INO80: variants seen among roughly 807,000 people sequenced by gnomAD.
INO80 encodes the protein INO80 complex ATPase subunit.
INO80 carries 20 observed loss-of-function variants against 203.4 expected under a neutral mutation model. The observed-to-expected ratio is 0.10, with a 90% CI of 0.07 to 0.14. INO80 has a LOEUF of 0.14. Ranked by LOEUF, INO80 falls within the 10% of genes least tolerant of loss-of-function variation. The pLI, the probability that INO80 is intolerant of heterozygous loss-of-function variation, is 1.00. For missense variants in INO80, 1,419 were observed against 1,914.4 expected (o/e 0.74, Z 4.83); for synonymous variants, 726 against 685.2 (o/e 1.06, Z -0.93).
intron 29 of INO80, among the ~76,000 whole-genome samples, chr15:40,997,321 A>T (rs567259547): frequency 6.6e-6 from 1 of 152,192 alleles, no homozygotes; most frequent in South Asian, 2.1e-4. Flanking sequence ...AATGAATAGT[A>T]AAGTCCATAA....
chr15:41,080,996 G>C, intron 8 of INO80, 24 bp downstream of exon 8: 1 of 1,518,624 alleles, frequency 6.6e-7, no homozygotes. Flanking sequence ...ACATGAAATG[G>C]AAAATACAAA....
intron 5 of INO80, among the ~76,000 whole-genome samples, chr15:41,090,306 T>C (rs571309126): frequency 6.6e-6 from 1 of 152,326 alleles, no homozygotes; most frequent in East Asian, 1.9e-4. Context: ...CTGGGGATGG[T>C]GGCTCACGCC....
intron 27 of INO80, among the ~76,000 whole-genome samples, chr15:41,007,101 G>A (rs899823832): frequency 6.7e-6 from 1 of 149,176 alleles, no homozygotes. Flanking sequence ...TACCAAGACA[G>A]TTTACAGAGA....
intron 1 of INO80, among the ~76,000 whole-genome samples, chr15:41,112,823 T>C (rs1183506137): frequency 6.8e-6 from 1 of 147,290 alleles, no homozygotes; most frequent in Non-Finnish European, 1.5e-5. Flanking sequence ...ACTTTTCAAC[T>C]GTTTTCCTAC....
At chr15:41,049,598 AT>A (rs1302543888) in intron 20 of INO80, among the ~76,000 whole-genome samples, 178 bp from the exon 21 acceptor site, 1 of 152,198 alleles carries the variant, frequency 6.6e-6, no homozygotes, top group Non-Finnish European at 1.5e-5. Flanking sequence ...AAAAAGGTTA[AT>A]AAAGACAACT....
chr15:41,016,296 C>T, intron 26 of INO80, 81 bp from the exon 27 acceptor site: 1 of 1,349,484 alleles, frequency 7.4e-7, no homozygotes, highest in East Asian at 2.4e-5. Flanking sequence ...TGTATGCAAC[C>T]ACAATCACTA....
rs2140526795 is a variant in INO80 at position 41,048,251 on chromosome 15, C to G, written c.2602G>C (p.Ala868Pro). ...DRWLRVLSPFAPDYIQRSLFH... is the reference protein window; with the variant it reads ...DRWLRVLSPFPPDYIQRSLFH... Reference sequence around the variant, plus strand: ...AGAGACCGTTGGATATAGTCTGGTGCAAATGGAGAAAGAACCCTTAACCAC... The same window carrying G: ...AGAGACCGTTGGATATAGTCTGGTGGAAATGGAGAAAGAACCCTTAACCAC... Residue 868 changes from alanine to proline, a missense_variant, in exon 22 of 36, where the codon GCA becomes CCA. Ala to Pro is a conservative substitution (Grantham distance 27, BLOSUM62 -1). Around this residue, in one of 9 missense-constraint regions of INO80, gnomAD observed 302 missense variants for 345.4 expected, o/e 0.87. Transcript: ENST00000648947. 1 of 1,613,192 alleles carries G rather than the reference C, an allele frequency of 6.2e-7. No homozygotes were observed. The highest frequency in any genetic ancestry group is 8.5e-7 in the Non-Finnish European group (1 of 1,179,394).
intron 1 of INO80, among the ~76,000 whole-genome samples, chr15:41,108,355 C>T (rs751407881): frequency 1.3e-5 from 2 of 150,982 alleles, no homozygotes; most frequent in South Asian, 4.2e-4. Context: ...TTTGGGAGGC[C>T]GAGGCAGGCG....
chr15:41,098,048 C>A (rs908973241), intron 1 of INO80, among the ~76,000 whole-genome samples: 1 of 152,080 alleles, frequency 6.6e-6, no homozygotes, highest in African/African-American at 2.4e-5. Flanking sequence ...GACAGGGTTT[C>A]ACCGTGTTGG....
chr15:41,086,409 G>C (rs139155436), intron 6 of INO80, among the ~76,000 whole-genome samples: 2 of 152,114 alleles, frequency 1.3e-5, no homozygotes, highest in African/African-American at 2.4e-5. Flanking sequence ...CCAGCACTTT[G>C]AGAGGCCAAG....
At chr15:41,095,137 G>A (rs143733752) in intron 4 of INO80, among the ~76,000 whole-genome samples, 4 of 152,050 alleles carry the variant, frequency 2.6e-5, no homozygotes, top group African/African-American at 4.8e-5. Context: ...TCAGGAGTTC[G>A]AGACCAACCT....
chr15:41,099,503 C>T (rs967250807), intron 1 of INO80, among the ~76,000 whole-genome samples: 1 of 151,736 alleles, frequency 6.6e-6, no homozygotes, highest in Non-Finnish European at 1.5e-5. Flanking sequence ...TACTTTTGGC[C>T]AGGAGCAGTG....
At chr15:41,046,148 GGTGT>G (rs1191808294) in intron 23 of INO80, among the ~76,000 whole-genome samples, 4 of 121,414 alleles carry the variant, frequency 3.3e-5, no homozygotes, top group African/African-American at 8.7e-5. Context: ...ATATTTAAGG[GGTGT>G]GTGTGTGTCT....
chr15:41,065,849 A>G (rs2045201057), intron 14 of INO80, among the ~76,000 whole-genome samples: 1 of 152,182 alleles, frequency 6.6e-6, no homozygotes, highest in African/African-American at 2.4e-5. Flanking sequence ...TGGTTGCCAG[A>G]GGCTACAGCA....
At chr15:41,026,257 GA>G (rs201407847) in intron 25 of INO80, among the ~76,000 whole-genome samples, 1,750 of 152,172 alleles carry the variant, frequency 0.012, 21 homozygotes, top group Non-Finnish European at 0.018. Flanking sequence ...TCTTTTAATA[GA>G]ACTGTGAAAA....
At chr15:41,115,439 G>C (rs915242025) in intron 1 of INO80, among the ~76,000 whole-genome samples, 12 of 152,208 alleles carry the variant, frequency 7.9e-5, no homozygotes, top group Admixed American at 7.9e-4. Context: ...AGTCTATGCA[G>C]GTGTCAGCCT....
In INO80 at chr15:41,074,477, T is replaced by C; in HGVS notation, c.1220A>G (p.His407Arg). The C allele has an allele frequency of 6.2e-7, 1 of 1,614,046 alleles. No individual in the cohort carries two copies. Among genetic ancestry groups the C allele is most frequent in the Non-Finnish European group, 8.5e-7 (1 of 1,179,918 alleles). The stretch of plus-strand genomic sequence containing the variant: ...TAGGATTTCTTCCTGGATACCATCA[T>C]GACCCATATCTCGTTTGCGACTCAT... Reference protein sequence around the residue: ...HFMSRKRDMGHDGIQEEILRK... With the variant: ...HFMSRKRDMGRDGIQEEILRK... The change falls in exon 10 of 36, where the codon CAT becomes CGT. Residue 407 changes from histidine to arginine, a missense_variant. By Grantham distance (29) the His-to-Arg change is conservative. Around this residue, in one of 9 missense-constraint regions of INO80, gnomAD observed 116 missense variants for 119.5 expected, o/e 0.97. Transcript: ENST00000648947.
At chr15:41,005,507 G>T in intron 28 of INO80, 86 bp downstream of exon 28, 2 of 639,742 alleles carry the variant, frequency 3.1e-6, no homozygotes, top group South Asian at 2.0e-5. Flanking sequence ...CAGATGTCCT[G>T]GCATTTAAAA....
chr15:41,052,825 C>G (rs1464235213), intron 19 of INO80, among the ~76,000 whole-genome samples: 1 of 136,194 alleles, frequency 7.3e-6, no homozygotes, highest in Non-Finnish European at 1.5e-5. Context: ...AGTTTGAGAC[C>G]AGCATGGGGA....
Sources: gnomAD v4.1 joint callset for allele counts (sites outside exome capture counted in the v4.1 genomes callset) on GRCh38, gnomAD v4.1.1 for gene constraint, gnomAD v4.1.1 regional missense constraint, MANE v1.5 for transcripts, NCBI Gene and HGNC (gene_info 2026-07-23, HGNC 2026-07-21) for gene names.